The following MICU3 variants were observed in gnomAD, a reference collection of about 807,000 sequenced individuals.
MICU3 encodes calcium uptake protein 3, mitochondrial.
MICU3 carries 62 observed loss-of-function variants against 66.5 expected under a neutral mutation model. The observed-to-expected ratio is 0.93, with a 90% CI of 0.76 to 1.15. The LOEUF is 1.15. Among genes scored for constraint, MICU3 ranks in the 50% most tolerant of loss-of-function variants. MICU3 has a pLI of 0.00. For missense variants in MICU3, 779 were observed against 664.4 expected, an observed-to-expected ratio of 1.17 and a Z score of -1.90; for synonymous variants, 308 against 240.7, an observed-to-expected ratio of 1.28 and a Z score of -2.59.
At chr8:17,034,858 A>T (rs2705223) in intron 1 of MICU3, among the ~76,000 whole-genome samples, 1 of 152,276 alleles carries the variant, frequency 6.6e-6, no homozygotes, top group Non-Finnish European at 1.5e-5. Context: ...TGTTGAAATG[A>T]CAACAAAGAT....
At chr8:17,090,232 A>G (rs977450556) in intron 7 of MICU3, among the ~76,000 whole-genome samples, 1 of 152,128 alleles carries the variant, frequency 6.6e-6, no homozygotes, top group African/African-American at 2.4e-5. Context: ...TTGCGGAAGC[A>G]TGTCCAAATC....
intron 1 of MICU3, among the ~76,000 whole-genome samples, chr8:17,057,025 C>T (rs12546025): frequency 0.065 from 9,877 of 152,246 alleles, 474 homozygotes; most frequent in East Asian, 0.22. Flanking sequence ...TTGTTTCTGT[C>T]AACAGGTTAA....
intron 11 of MICU3, among the ~76,000 whole-genome samples, chr8:17,112,576 A>G (rs1359781665): frequency 6.6e-6 from 1 of 152,214 alleles, no homozygotes; most frequent in Non-Finnish European, 1.5e-5. Context: ...TACACAAAAG[A>G]ATGATTGTAT....
chr8:17,037,763 G>C (rs1813294940), intron 1 of MICU3, among the ~76,000 whole-genome samples: 2 of 152,224 alleles, frequency 1.3e-5, no homozygotes, highest in Non-Finnish European at 1.5e-5. Flanking sequence ...CATGAAAGCA[G>C]CCGGGAGTGG....
chr8:17,136,896 G>A, the MICU3 span, among the ~76,000 whole-genome samples: 32 of 150,820 alleles, frequency 2.1e-4, no homozygotes, highest in South Asian at 2.1e-3. Flanking sequence ...GTGCAATGGC[G>A]TGATCTCAGC....
intron 1 of MICU3, among the ~76,000 whole-genome samples, chr8:17,061,627 C>T (rs1397327987): frequency 1.3e-5 from 2 of 152,112 alleles, no homozygotes; most frequent in Non-Finnish European, 2.9e-5. Flanking sequence ...GAGCTCCAGG[C>T]TGAGTGGTCC....
intron 3 of MICU3, among the ~76,000 whole-genome samples, chr8:17,074,916 G>A (rs1390031667): frequency 6.6e-6 from 1 of 152,020 alleles, no homozygotes; most frequent in African/African-American, 2.4e-5. Flanking sequence ...TGCCTAACAA[G>A]ACTGCCCTCA....
intron 1 of MICU3, among the ~76,000 whole-genome samples, chr8:17,031,031 T>G (rs1021464463): frequency 3.9e-5 from 6 of 152,062 alleles, no homozygotes; most frequent in African/African-American, 1.4e-4. Flanking sequence ...GAAGAAGATG[T>G]TGAAATAGAA....
At chr8:17,036,074 T>C (rs1024314729) in intron 1 of MICU3, among the ~76,000 whole-genome samples, 7 of 152,138 alleles carry the variant, frequency 4.6e-5, no homozygotes, top group African/African-American at 1.4e-4. Context: ...TTACAGCTCT[T>C]AAGGTGGCAC....
At chr8:17,048,095 T>C (rs540115847) in intron 1 of MICU3, among the ~76,000 whole-genome samples, 13 of 152,310 alleles carry the variant, frequency 8.5e-5, no homozygotes, top group Non-Finnish European at 1.3e-4. Flanking sequence ...ATCCTACATG[T>C]GATAAGTAAA....
chr8:17,051,776 C>T (rs1166658862), intron 1 of MICU3, among the ~76,000 whole-genome samples: 1 of 152,000 alleles, frequency 6.6e-6, no homozygotes, highest in African/African-American at 2.4e-5. Context: ...GAGAAGAGAG[C>T]CTTGCTGGAG....
chr8:17,132,371 G>C, the MICU3 span: 1 of 152,142 alleles, frequency 6.6e-6, no homozygotes, highest in African/African-American at 2.4e-5. Context: ...GAACCTGGTA[G>C]AGTAATTCAA....
At chr8:17,087,788 G>T (rs1485512897) in intron 7 of MICU3, among the ~76,000 whole-genome samples, 1 of 152,044 alleles carries the variant, frequency 6.6e-6, no homozygotes, top group African/African-American at 2.4e-5. Context: ...CAAAGCCAAA[G>T]ATTTGAACCT....
At chr8:17,079,360 T>C (rs2150713944) in intron 4 of MICU3, among the ~76,000 whole-genome samples, 1 of 152,252 alleles carries the variant, frequency 6.6e-6, no homozygotes, top group Middle Eastern at 3.4e-3. Context: ...AATGCGTATC[T>C]GTATCATATT....
chr8:17,117,455 A>G (rs780880137), intron 13 of MICU3, among the ~76,000 whole-genome samples: 10 of 152,216 alleles, frequency 6.6e-5, no homozygotes, highest in Non-Finnish European at 1.0e-4. Flanking sequence ...AACATGTTTT[A>G]AAGCTGGAAA....
At chr8:17,030,782 C>CATACATAG (rs1183430273) in intron 1 of MICU3, among the ~76,000 whole-genome samples, 1 of 152,168 alleles carries the variant, frequency 6.6e-6, no homozygotes, top group Non-Finnish European at 1.5e-5. Context: ...TTCCCAAGGC[C>CATACATAG]TTGTCCGTTT....
chr8:17,036,864 G>A lies in MICU3; in HGVS notation c.381+9204G>A, dbSNP rs573037840. ...CGATGGCACTGGGCACCGTGGCGCA[G>A]GGGGTGGTGCTCGTTGGGGAGGCTT... is the stretch of plus-strand genomic sequence containing the variant. On this transcript the variant is annotated intron_variant, in intron 1 of 14. Coordinates refer to ENST00000318063, the MANE Select transcript of MICU3 (RefSeq NM_181723.3). 5.9e-5 allele frequency among the ~76,000 whole-genome samples: 9 copies of A among 152,356 alleles called. No homozygotes were observed. In the East Asian group the frequency reaches 1.7e-3, roughly 29 times the overall value.
chr8:17,027,495 G>GGCC lies in MICU3; in HGVS notation c.218_220dup (p.Ala73dup). On this transcript the variant is annotated inframe_insertion, in exon 1 of 15. Transcript: ENST00000318063. ...GGGGGGAGCTGAGCGTGGCGGCGGC[G>GGCC]GCCGGCGGGGGGCTGGTCGGCCTGG... 7.8e-7 allele frequency: 1 copy of GGCC among 1,282,484 alleles called. No individual in the cohort carries two copies. The highest frequency in any genetic ancestry group is 9.8e-7 in the Non-Finnish European group (1 of 1,019,276). 79.4% of individuals were successfully genotyped at this position (1,282,484 alleles called of 1,614,324 possible).
At chr8:17,070,452 C>T (rs1304647410) in intron 3 of MICU3, among the ~76,000 whole-genome samples, 8 of 151,786 alleles carry the variant, frequency 5.3e-5, no homozygotes, top group South Asian at 2.1e-4. Flanking sequence ...TACATTCATA[C>T]GTGGGAAAAC....
Sources: gnomAD v4.1 joint callset for allele counts (sites outside exome capture counted in the v4.1 genomes callset) on GRCh38, gnomAD v4.1.1 for gene constraint, MANE v1.5 for transcripts, NCBI Gene and HGNC (gene_info 2026-07-23, HGNC 2026-07-21) for gene names.